Variants in VMP1 observed in about 807,000 individuals in gnomAD.
The protein encoded by VMP1 is ectopic P-granules autophagy protein 3 homolog.
In VMP1, 11 loss-of-function variants were observed where a neutral mutation model predicts 56.0. The ratio of observed to expected loss-of-function variants is 0.20; its 90% CI spans 0.12 to 0.32. The LOEUF (loss-of-function observed/expected upper bound fraction) is 0.32. Among genes scored for constraint, VMP1 ranks in the 10% least tolerant of loss-of-function variants. The pLI is 1.00. For synonymous variants in VMP1, 149 were observed against 165.0 expected (o/e 0.90, Z 0.74); for missense variants, 296 against 490.3 (o/e 0.60, Z 3.74).
At chr17:59,760,152 G>T (rs1301849173) in intron 5 of VMP1, among the ~76,000 whole-genome samples, 1 of 151,040 alleles carries the variant, frequency 6.6e-6, no homozygotes, top group African/African-American at 2.4e-5. Flanking sequence ...AAAATTAGTG[G>T]TTGTCCTAAG....
chr17:59,816,060 C>T (rs2038221044), intron 9 of VMP1, among the ~76,000 whole-genome samples: 1 of 152,016 alleles, frequency 6.6e-6, no homozygotes, highest in African/African-American at 2.4e-5. Context: ...TGTAGAATTC[C>T]CACTCAGACC....
chr17:59,769,274 C>T (rs1052506612), intron 6 of VMP1, among the ~76,000 whole-genome samples: 4 of 151,542 alleles, frequency 2.6e-5, no homozygotes, highest in Non-Finnish European at 5.9e-5. Context: ...GACTCAGCCT[C>T]CTGAGTAGCT....
chr17:59,754,164 C>G (rs1228695478), intron 5 of VMP1, among the ~76,000 whole-genome samples: 1 of 151,994 alleles, frequency 6.6e-6, no homozygotes, highest in African/African-American at 2.4e-5. Flanking sequence ...CCCTGAAGTA[C>G]AGGTCAATTG....
In VMP1 at chr17:59,763,172, C is replaced by T. The variant is rs28435861; in HGVS notation, c.415-1799C>T. Among the ~76,000 whole-genome samples the T allele has an allele frequency of 5.0e-3, 759 of 151,294 alleles. 9 individuals carry two copies. The highest frequency in any genetic ancestry group is 0.018 in the African/African-American group (738 of 41,260). ...TTTCTTCTTTTTTTTTTAATTATGT[C>T]TGATAGCTATAATTGTATGAGGAGA... On this transcript the variant is annotated intron_variant, in intron 5 of 11. Transcript: ENST00000262291.
chr17:59,761,746 T>G (rs2036061894), intron 5 of VMP1, among the ~76,000 whole-genome samples: 1 of 152,234 alleles, frequency 6.6e-6, no homozygotes, highest in Non-Finnish European at 1.5e-5. Context: ...CCTGGACTTG[T>G]GGTCTCACCT....
chr17:59,831,091 G>A (rs1212031227), intron 10 of VMP1, among the ~76,000 whole-genome samples: 8 of 152,100 alleles, frequency 5.3e-5, no homozygotes, highest in Non-Finnish European at 1.5e-5. Context: ...CTCCCAAAGT[G>A]CTCGGATTAC....
intron 7 of VMP1, among the ~76,000 whole-genome samples, chr17:59,806,662 C>T (rs533491089): frequency 3.3e-4 from 49 of 149,314 alleles, no homozygotes; most frequent in Admixed American, 1.5e-3. Context: ...TTGCAGTGAG[C>T]CAAGATCATA....
At chr17:59,744,146 T>G (rs1162048688) in intron 5 of VMP1, among the ~76,000 whole-genome samples, 1 of 151,524 alleles carries the variant, frequency 6.6e-6, no homozygotes, top group Non-Finnish European at 1.5e-5. Flanking sequence ...AAACCCACTG[T>G]TTTAGATGAT....
chr17:59,814,406 A>G (rs956676982), intron 9 of VMP1, among the ~76,000 whole-genome samples: 3 of 152,368 alleles, frequency 2.0e-5, no homozygotes, highest in Admixed American at 2.0e-4. Flanking sequence ...GTTAATAAGT[A>G]ATAGTTGCTT....
intron 10 of VMP1, among the ~76,000 whole-genome samples, chr17:59,819,825 C>T (rs367593878): frequency 2.0e-5 from 3 of 152,194 alleles, no homozygotes; most frequent in Admixed American, 6.5e-5. Context: ...GACTGCAGAG[C>T]GCAGTGCATA....
intron 7 of VMP1, among the ~76,000 whole-genome samples, chr17:59,804,068 A>T (rs1227451376): frequency 2.6e-5 from 4 of 151,972 alleles, no homozygotes; most frequent in African/African-American, 9.7e-5. Context: ...GAATATATAT[A>T]TTTTAGTTCA....
At chr17:59,743,113 TA>T (rs1169809684) in intron 5 of VMP1, among the ~76,000 whole-genome samples, 2 of 152,312 alleles carry the variant, frequency 1.3e-5, no homozygotes, top group Middle Eastern at 3.4e-3. Flanking sequence ...CATTATTAAC[TA>T]AAACCCATAG....
At chr17:59,728,270 C>T (rs1180143089) in intron 1 of VMP1, among the ~76,000 whole-genome samples, 2 of 152,056 alleles carry the variant, frequency 1.3e-5, no homozygotes, top group Admixed American at 1.3e-4. Flanking sequence ...AAGATTGGAC[C>T]CATGACCATA....
intron 6 of VMP1, among the ~76,000 whole-genome samples, chr17:59,772,950 C>CTTTT (rs1179269248): frequency 0.012 from 667 of 55,726 alleles, 158 homozygotes; most frequent in African/African-American, 0.016. Flanking sequence ...CTGGTGAATT[C>CTTTT]TTTTTTTTTT....
intron 3 of VMP1, among the ~76,000 whole-genome samples, chr17:59,737,072 A>G (rs551469846): frequency 6.6e-6 from 1 of 152,292 alleles, no homozygotes; most frequent in East Asian, 1.9e-4. Flanking sequence ...GATTATAAAA[A>G]CAAGAAACAG....
At chr17:59,780,127 C>G (rs1568132607) in intron 7 of VMP1, among the ~76,000 whole-genome samples, 1 of 152,118 alleles carries the variant, frequency 6.6e-6, no homozygotes, top group Non-Finnish European at 1.5e-5. Context: ...CACAATACTT[C>G]TGTTGGTTAT....
At chr17:59,765,665 A>G (rs1355223499) in intron 6 of VMP1, among the ~76,000 whole-genome samples, 1 of 152,062 alleles carries the variant, frequency 6.6e-6, no homozygotes, top group Non-Finnish European at 1.5e-5. Flanking sequence ...TTTCCACTCC[A>G]TTTTCATGTT....
intron 1 of VMP1, among the ~76,000 whole-genome samples, chr17:59,711,134 A>AC (rs890178380): frequency 1.4e-5 from 2 of 143,086 alleles, no homozygotes; most frequent in Admixed American, 1.4e-4. Flanking sequence ...ATTTGCTCTT[A>AC]CAAAAAAAAA....
chr17:59,727,407 T>TA (rs2034651424), intron 1 of VMP1, among the ~76,000 whole-genome samples: 1 of 152,210 alleles, frequency 6.6e-6, no homozygotes, highest in Non-Finnish European at 1.5e-5. Context: ...ATGCTGGGAT[T>TA]ACAGGCGTGA....
Sources: gnomAD v4.1 joint callset for allele counts (sites outside exome capture counted in the v4.1 genomes callset) on GRCh38, gnomAD v4.1.1 for gene constraint, MANE v1.5 for transcripts, NCBI Gene and HGNC (gene_info 2026-07-23, HGNC 2026-07-21) for gene names.